GPC6: variants seen among roughly 807,000 people sequenced by gnomAD.
GPC6 encodes the protein glypican 6.
A neutral mutation model predicts 55.2 loss-of-function variants in GPC6; 14 were observed. The observed-to-expected ratio is 0.25, with a 90% confidence interval of 0.17 to 0.40. The LOEUF is 0.40. Ranked by LOEUF, GPC6 falls within the 10% of genes least tolerant of loss-of-function variation. GPC6 has a pLI of 1.00. For missense variants in GPC6, 641 were observed against 708.5 expected (o/e 0.90, Z 1.08); for synonymous variants, 278 against 259.6 (o/e 1.07, Z -0.68).
chr13:93,503,133 G>A (rs1453313861), intron 1 of GPC6, among the ~76,000 whole-genome samples: 1 of 151,952 alleles, frequency 6.6e-6, no homozygotes, highest in Non-Finnish European at 1.5e-5. Context: ...TATCATTTAG[G>A]ACTACTAGTT....
At chr13:93,803,739 T>TAA (rs1342997568) in intron 2 of GPC6, among the ~76,000 whole-genome samples, 29 of 152,322 alleles carry the variant, frequency 1.9e-4, no homozygotes, top group African/African-American at 6.3e-4. Flanking sequence ...TACAGTGGAA[T>TAA]ATTATTTAGT....
intron 4 of GPC6, among the ~76,000 whole-genome samples, chr13:94,267,632 C>T (rs375729358): frequency 3.5e-4 from 53 of 152,264 alleles, no homozygotes; most frequent in African/African-American, 1.2e-3. Context: ...CATTACCACT[C>T]GACACAGAAT....
intron 5 of GPC6, among the ~76,000 whole-genome samples, chr13:94,300,999 C>T (rs1386055682): frequency 1.3e-5 from 2 of 152,126 alleles, no homozygotes; most frequent in African/African-American, 2.4e-5. Context: ...ACCACCTTCA[C>T]AGTATATCTC....
chr13:93,661,494 G>A (rs139702122), intron 2 of GPC6, among the ~76,000 whole-genome samples: 314 of 152,142 alleles, frequency 2.1e-3, no homozygotes, highest in African/African-American at 7.2e-3. Context: ...GTGAGCCACC[G>A]TGCTCTGCCT....
chr13:93,353,724 TC>T, intron 1 of GPC6, among the ~76,000 whole-genome samples: 1 of 152,364 alleles, frequency 6.6e-6, no homozygotes, highest in South Asian at 2.1e-4. Flanking sequence ...TCGTGATTAC[TC>T]ACCTAAGTAC....
intron 4 of GPC6, among the ~76,000 whole-genome samples, chr13:94,148,419 G>A (rs1887631956): frequency 6.6e-6 from 1 of 152,144 alleles, no homozygotes. Flanking sequence ...TTACAAGGGT[G>A]TCCTGAGGAT....
chr13:93,572,657 A>G (rs1045392635), intron 2 of GPC6, among the ~76,000 whole-genome samples: 14 of 152,208 alleles, frequency 9.2e-5, no homozygotes, highest in Non-Finnish European at 8.8e-5. Flanking sequence ...AAGGATATAA[A>G]TTCTCAGAGA....
At chr13:93,562,274 C>T (rs1037163380) in intron 2 of GPC6, among the ~76,000 whole-genome samples, 17 of 152,162 alleles carry the variant, frequency 1.1e-4, no homozygotes, top group Non-Finnish European at 2.1e-4. Context: ...TTCGGCCTTA[C>T]TCACATTTTT....
chr13:93,301,078 G>T (rs543707369), intron 1 of GPC6, among the ~76,000 whole-genome samples: 2 of 151,726 alleles, frequency 1.3e-5, no homozygotes, highest in South Asian at 2.1e-4. Context: ...AATCCAACCC[G>T]GTTCCATTGG....
intron 3 of GPC6, among the ~76,000 whole-genome samples, chr13:93,848,002 G>C (rs909042408): frequency 1.3e-5 from 2 of 152,082 alleles, no homozygotes; most frequent in African/African-American, 4.8e-5. Flanking sequence ...TCCCTCAAGA[G>C]AGCCCAGAAT....
chr13:93,931,036 A>T (rs1417994031), intron 3 of GPC6, among the ~76,000 whole-genome samples: 2 of 152,124 alleles, frequency 1.3e-5, no homozygotes, highest in Non-Finnish European at 2.9e-5. Context: ...ACTCACTATC[A>T]CTAGGGCAGC....
chr13:93,490,474 TTTTCAACTTGAGTGATTTTTTTTTC>T (rs1879927895), intron 1 of GPC6, among the ~76,000 whole-genome samples: 3 of 145,096 alleles, frequency 2.1e-5, no homozygotes, highest in Non-Finnish European at 4.5e-5. Context: ...TTTTTTTTTT[TTTTCAACTTGAGTGATTTTTTTTTC>T]TTTTTTTTTT....
chr13:94,157,910 G>A (rs573310035), intron 4 of GPC6, among the ~76,000 whole-genome samples: 1 of 152,268 alleles, frequency 6.6e-6, no homozygotes, highest in African/African-American at 2.4e-5. Flanking sequence ...AGCAGGAAAG[G>A]GGGAGTCAAG....
intron 1 of GPC6, among the ~76,000 whole-genome samples, chr13:93,265,905 T>C (rs1442713012): frequency 6.6e-6 from 1 of 152,108 alleles, no homozygotes; most frequent in Non-Finnish European, 1.5e-5. Flanking sequence ...CTCTCAATTT[T>C]TAGGCATTTT....
chr13:94,088,603 AGGGG>A (rs1885373043), intron 4 of GPC6, among the ~76,000 whole-genome samples: 2 of 104,136 alleles, frequency 1.9e-5, no homozygotes, highest in Non-Finnish European at 3.9e-5. Context: ...AGAGGAGAGG[AGGGG>A]AGGGAAGGGA....
chr13:93,868,485 A>G (rs373244649), intron 3 of GPC6, among the ~76,000 whole-genome samples: 6 of 151,922 alleles, frequency 3.9e-5, no homozygotes, highest in African/African-American at 1.4e-4. Flanking sequence ...TAAGTGTACA[A>G]TTTCACACAG....
At chr13:93,952,901 G>GTA (rs35321617) in intron 3 of GPC6, among the ~76,000 whole-genome samples, 7,780 of 147,026 alleles carry the variant, frequency 0.053, 284 homozygotes, top group Middle Eastern at 0.14. Context: ...ATATATACGT[G>GTA]TATATATGTA....
intron 1 of GPC6, among the ~76,000 whole-genome samples, chr13:93,318,169 G>C (rs1425450298): frequency 6.6e-6 from 1 of 152,134 alleles, no homozygotes; most frequent in Non-Finnish European, 1.5e-5. Flanking sequence ...ACATAGAGTA[G>C]AGCAGCTTAT....
At chr13:94,277,150 C>G (rs1256692333) in intron 4 of GPC6, among the ~76,000 whole-genome samples, 1 of 152,210 alleles carries the variant, frequency 6.6e-6, no homozygotes, top group Non-Finnish European at 1.5e-5. Context: ...CAGATGGTAT[C>G]TCACTGTGGT....
Sources: gnomAD v4.1 joint callset for allele counts (sites outside exome capture counted in the v4.1 genomes callset) on GRCh38, gnomAD v4.1.1 for gene constraint, MANE v1.5 for transcripts, NCBI Gene and HGNC (gene_info 2026-07-23, HGNC 2026-07-21) for gene names.